The following PPP1R13B variants were observed in gnomAD, a reference collection of about 807,000 sequenced individuals.
The protein encoded by PPP1R13B is apoptosis-stimulating of p53 protein 1.
A neutral mutation model predicts 119.8 loss-of-function variants in PPP1R13B; 44 were observed. That is an observed-to-expected ratio of 0.37 (90% CI 0.29 to 0.47). The LOEUF is 0.47. Ranked by LOEUF, PPP1R13B falls within the 20% of genes least tolerant of loss-of-function variation. The pLI is 0.99. For missense variants in PPP1R13B, 1,227 were observed against 1,413.5 expected, an observed-to-expected ratio of 0.87 and a Z score of 2.12; for synonymous variants, 542 against 561.5, an observed-to-expected ratio of 0.97 and a Z score of 0.49.
chr14:103,758,531 C>T (rs921770567), intron 4 of PPP1R13B, among the ~76,000 whole-genome samples: 1 of 152,228 alleles, frequency 6.6e-6, no homozygotes, highest in Non-Finnish European at 1.5e-5. Context: ...GCCCACACCA[C>T]GTGCACTGTG....
intron 1 of PPP1R13B, among the ~76,000 whole-genome samples, chr14:103,823,372 T>C (rs763452098): frequency 4.0e-5 from 6 of 151,064 alleles, no homozygotes; most frequent in Non-Finnish European, 8.9e-5. Flanking sequence ...ACAGGGACAA[T>C]TTGGCAGGCC....
At chr14:103,844,588 G>A (rs1049184790) in intron 1 of PPP1R13B, among the ~76,000 whole-genome samples, 20 of 152,008 alleles carry the variant, frequency 1.3e-4, no homozygotes, top group African/African-American at 4.8e-4. Context: ...AATTAGCCAG[G>A]CAGGATGGAG....
At chr14:103,834,613 C>T (rs1484546722) in intron 1 of PPP1R13B, among the ~76,000 whole-genome samples, 4 of 130,636 alleles carry the variant, frequency 3.1e-5, no homozygotes, top group Non-Finnish European at 6.3e-5. Context: ...TTTTTGAGAC[C>T]GAGTTTCGCT....
chr14:103,738,679 C>T lies in PPP1R13B; in HGVS notation c.2864G>A (p.Trp955Ter). The change falls in exon 14 of 17, where the codon TGG (tryptophan) becomes TAG (stop). Residue 955 changes from tryptophan (W) to a stop codon, truncating the protein, a stop_gained and splice_region_variant. Transcript: ENST00000202556. LOFTEE classifies it high-confidence loss of function. This position sits in a 1 kb window ranked among gnomAD's most constrained non-coding sequence, Gnocchi z 5.6. ...CACCCCACACTCCTACGGGCCTCACCATCCATCACTATCAGCAGCATTCAC... is the reference window on the plus strand; with the variant it reads ...CACCCCACACTCCTACGGGCCTCACTATCCATCACTATCAGCAGCATTCAC... Reference protein sequence around the residue: ...VNVNAADSDGWTPLHCAASCN... With the variant: ...VNVNAADSDG The T allele has an allele frequency of 6.2e-7, 1 of 1,614,212 alleles. No homozygotes were observed.
At chr14:103,736,430 G>A (rs2084114468) in intron 15 of PPP1R13B, 13 of 589,592 alleles carry the variant, frequency 2.2e-5, no homozygotes, top group South Asian at 4.1e-5. Flanking sequence ...AGTCCTGCAG[G>A]ACAGACAGGA....
chr14:103,742,093 C>G lies in PPP1R13B; in HGVS notation c.1519G>C (p.Gly507Arg). 1 of 1,613,782 alleles carries G rather than the reference C, an allele frequency of 6.2e-7. No individual in the cohort carries two copies. Among genetic ancestry groups the G allele is most frequent in the Non-Finnish European group, 8.5e-7 (1 of 1,179,962 alleles). ...RQRPTLLPATGSTPQPGSSQQ... is the reference protein window; with the variant it reads ...RQRPTLLPATRSTPQPGSSQQ... ...GAGGAGCCTGGCTGGGGGGTGCTGC[C>G]TGTGGCGGGCAGCAGGGTGGGCCTC... is the stretch of plus-strand genomic sequence containing the variant. Residue 507 changes from glycine (G) to arginine (R), a missense_variant, in exon 11 of 17, where the codon GGC (glycine) becomes CGC (arginine). Coordinates refer to ENST00000202556, the MANE Select transcript of PPP1R13B (RefSeq NM_015316.3). The surrounding 1 kb of genome is among the most constrained non-coding windows in gnomAD (Gnocchi z 4.9).
intron 5 of PPP1R13B, among the ~76,000 whole-genome samples, chr14:103,757,409 G>A (rs1245562720): frequency 6.6e-6 from 1 of 152,150 alleles, no homozygotes; most frequent in Non-Finnish European, 1.5e-5. Context: ...TGTTTGGGGT[G>A]TCTATTGTAT....
intron 4 of PPP1R13B, among the ~76,000 whole-genome samples, chr14:103,773,942 C>T (rs900543745): frequency 2.0e-5 from 3 of 152,134 alleles, no homozygotes; most frequent in African/African-American, 4.8e-5. Flanking sequence ...ATATGGAAAA[C>T]GGTGCCTGGG....
intron 1 of PPP1R13B, among the ~76,000 whole-genome samples, chr14:103,801,141 C>G (rs561851137): frequency 6.6e-6 from 1 of 152,116 alleles, no homozygotes; most frequent in African/African-American, 2.4e-5. Context: ...TGAGCCAACA[C>G]GTCTGGCCTA....
chr14:103,829,173 T>G (rs1430460296), intron 1 of PPP1R13B, among the ~76,000 whole-genome samples: 2 of 152,136 alleles, frequency 1.3e-5, no homozygotes, highest in Non-Finnish European at 2.9e-5. Flanking sequence ...CTCTCAAAAT[T>G]TTTCTAATTT....
At chr14:103,794,275 G>A (rs1195992076) in intron 2 of PPP1R13B, among the ~76,000 whole-genome samples, 4 of 151,608 alleles carry the variant, frequency 2.6e-5, no homozygotes, top group East Asian at 1.9e-4. Context: ...TTCTATCTAC[G>A]ACATACTGAT....
At chr14:103,755,602 A>G (rs1315140199) in intron 5 of PPP1R13B, among the ~76,000 whole-genome samples, 1 of 152,328 alleles carries the variant, frequency 6.6e-6, no homozygotes, top group East Asian at 1.9e-4. Context: ...TTAAGGTGTG[A>G]TTATGAAGGC....
In PPP1R13B at chr14:103,741,764, A is replaced by G. The variant is rs201150804; in HGVS notation, c.1822+26T>C. The G allele has an allele frequency of 2.5e-4, 398 of 1,579,492 alleles. No individual in the cohort carries two copies. In the African/African-American group the frequency reaches 4.8e-3, roughly 19 times the overall value. On this transcript the variant is annotated intron_variant, in intron 11 of 16. Transcript: ENST00000202556. ...AAAAGTATAATTTCCTAGCCCCAAG[A>G]AAAGGAGAGTATAAACCCACTCTAC...
intron 1 of PPP1R13B, among the ~76,000 whole-genome samples, chr14:103,843,099 C>T (rs1034389729): frequency 1.3e-5 from 2 of 152,048 alleles, no homozygotes; most frequent in East Asian, 1.9e-4. Flanking sequence ...GAGCTAGGTG[C>T]GGTGGCTCAC....
At chr14:103,735,962 C>G (rs757365655) in intron 16 of PPP1R13B, 41 bp downstream of exon 16, 1 of 1,604,284 alleles carries the variant, frequency 6.2e-7, no homozygotes, top group Non-Finnish European at 8.5e-7. Context: ...TGTACAGAGA[C>G]ACGGGCAGCT....
chr14:103,814,678 G>A (rs2086236945), intron 1 of PPP1R13B, among the ~76,000 whole-genome samples: 1 of 152,160 alleles, frequency 6.6e-6, no homozygotes, highest in Non-Finnish European at 1.5e-5. Flanking sequence ...GGGCGCGGTG[G>A]CTCACGCCTG....
intron 2 of PPP1R13B, among the ~76,000 whole-genome samples, chr14:103,785,204 C>A (rs2085430354): frequency 6.7e-6 from 1 of 150,054 alleles, no homozygotes; most frequent in South Asian, 2.1e-4. Context: ...TATCACAAAG[C>A]ACTGTGTCTC....
chr14:103,774,613 C>T (rs1255872741), intron 4 of PPP1R13B, among the ~76,000 whole-genome samples: 3 of 152,190 alleles, frequency 2.0e-5, no homozygotes, highest in Non-Finnish European at 4.4e-5. Context: ...ATCAATCACA[C>T]CAACTCAGCA....
At chr14:103,808,236 T>A (rs2152055454) in intron 1 of PPP1R13B, among the ~76,000 whole-genome samples, 1 of 146,410 alleles carries the variant, frequency 6.8e-6, no homozygotes, top group African/African-American at 2.6e-5. Flanking sequence ...AGTGACTCTA[T>A]CTCAAAAAAA....
Sources: allele counts gnomAD v4.1 joint callset (sites outside exome capture counted in the v4.1 genomes callset), GRCh38; gene constraint gnomAD v4.1.1; non-coding constraint Gnocchi (gnomAD v3.1); transcripts MANE v1.5; gene names NCBI Gene and HGNC (gene_info 2026-07-23, HGNC 2026-07-21).